The following CTSE variants were observed in gnomAD, a reference collection of about 807,000 sequenced individuals.
CTSE encodes cathepsin E.
A neutral mutation model predicts 42.8 loss-of-function variants in CTSE; 43 were observed. The observed-to-expected ratio is 1.01, with a 90% CI of 0.79 to 1.30. The LOEUF is 1.30. CTSE is among the 50% of genes most tolerant of loss of function. The pLI, the probability that CTSE is intolerant of heterozygous loss-of-function variation, is 0.00. For missense variants in CTSE, 532 were observed against 493.5 expected (o/e 1.08, Z -0.74); for synonymous variants, 205 against 191.5 (o/e 1.07, Z -0.58).
At chr1:206,021,677 T>C (rs1553278435) in intron 3 of CTSE, among the ~76,000 whole-genome samples, 1 of 151,998 alleles carries the variant, frequency 6.6e-6, no homozygotes, top group Non-Finnish European at 1.5e-5. Context: ...GAGTTACCTC[T>C]GGACAAATGG....
At chr1:206,013,976 C>T (rs1305189759) in intron 5 of CTSE, 82 bp from the exon 6 acceptor site, 2 of 1,499,166 alleles carry the variant, frequency 1.3e-6, no homozygotes, top group African/African-American at 2.8e-5. Flanking sequence ...CCCTTTGCTT[C>T]TTGGTCTCAT....
Position 206,012,699 on chromosome 1 carries a change from G to A in CTSE, c.786-50C>T, listed in dbSNP as rs369881608. On this transcript the variant is annotated intron_variant, in intron 6 of 8. Transcript: ENST00000358184. ...CCCACCTTCCCTCCCCCGGCTCCTA[G>A]GAAACTCCCACTCTTTTTTGGCCTC... 3 of 1,595,826 alleles carry A rather than the reference G, an allele frequency of 1.9e-6. No individual in the cohort carries two copies. The South Asian group carries it at 3.3e-5, about 18-fold the overall frequency.
In CTSE at chr1:206,012,671, C is replaced by A. The variant is rs78833937; in HGVS notation, c.786-22G>T. 8.3e-4 allele frequency: 1,336 copies of A among 1,607,882 alleles called. 14 individuals carry two copies. In the African/African-American group the frequency reaches 0.014, roughly 17 times the overall value. Reference sequence around the variant, plus strand: ...GATGCTGAGGGGACAGGGTTGTGGTCGGCCCACCTTCCCTCCCCCGGCTCC... The same window carrying A: ...GATGCTGAGGGGACAGGGTTGTGGTAGGCCCACCTTCCCTCCCCCGGCTCC... On this transcript the variant is annotated intron_variant, in intron 6 of 8. Coordinates refer to ENST00000358184, the MANE Select transcript of CTSE (RefSeq NM_001910.4).
chr1:206,017,241 T>C (rs1661287661), intron 4 of CTSE, among the ~76,000 whole-genome samples: 1 of 152,072 alleles, frequency 6.6e-6, no homozygotes, highest in South Asian at 2.1e-4. Flanking sequence ...TTTGTTTTAC[T>C]TGCTACAGGT....
intron 8 of CTSE, among the ~76,000 whole-genome samples, chr1:206,011,788 G>A (rs975931077): frequency 6.6e-6 from 1 of 152,052 alleles, no homozygotes; most frequent in Non-Finnish European, 1.5e-5. Context: ...AAAGGTCTGG[G>A]AGTTCCCTTT....
chr1:206,023,135 G>A (rs1354536393), intron 1 of CTSE, 78 bp from the exon 2 acceptor site: 1 of 1,371,028 alleles, frequency 7.3e-7, no homozygotes, highest in Non-Finnish European at 1.0e-6. Context: ...ATTTTCTCAG[G>A]GGCCAACTAG....
chr1:206,013,562 C>T (rs1472594717), intron 6 of CTSE, among the ~76,000 whole-genome samples: 4 of 152,090 alleles, frequency 2.6e-5, no homozygotes, highest in East Asian at 1.9e-4. Flanking sequence ...GTTAAAAGCA[C>T]GCCATGTGTA....
At chr1:206,021,431 G>A (rs1347120325) in intron 3 of CTSE, 3 of 399,696 alleles carry the variant, frequency 7.5e-6, no homozygotes, top group African/African-American at 6.2e-5. Flanking sequence ...ACCAAGATAA[G>A]TGTCATTTAT....
At position 206,012,489 on chromosome 1, in the gene CTSE, T is replaced by C. The variant is rs202229053; in HGVS notation, c.927+19A>G. The C allele has an allele frequency of 2.5e-6, 4 of 1,613,934 alleles. No individual in the cohort carries two copies. The highest frequency in any genetic ancestry group is 3.4e-6 in the Non-Finnish European group (4 of 1,179,906). On this transcript the variant is annotated intron_variant, in intron 7 of 8. Transcript: ENST00000358184. The stretch of plus-strand genomic sequence containing the variant: ...GGCTCTCCTGTCCCCACCACTCCCT[T>C]GCGCAGGCAGGCACTCACTTCTCCA...
At chr1:206,012,445 AC>A in intron 7 of CTSE, 39 bp from the exon 8 acceptor site, 1 of 1,613,456 alleles carries the variant, frequency 6.2e-7, no homozygotes, top group East Asian at 2.2e-5. Context: ...GAGCCTTGCC[AC>A]CTCCCAAGAG....
intron 2 of CTSE, 84 bp downstream of exon 2, chr1:206,022,817 A>G: frequency 3.9e-6 from 5 of 1,275,890 alleles, no homozygotes; most frequent in Non-Finnish European, 4.3e-6. Flanking sequence ...CTTCGGTGCT[A>G]CTGATGTGGC....
chr1:206,018,714 T>G (rs1661328761), intron 4 of CTSE, among the ~76,000 whole-genome samples: 1 of 152,046 alleles, frequency 6.6e-6, no homozygotes, highest in Non-Finnish European at 1.5e-5. Context: ...TCTTGATAAC[T>G]TTACTAATGT....
chr1:206,017,698 C>G (rs572455416), intron 4 of CTSE, among the ~76,000 whole-genome samples: 362 of 152,052 alleles, frequency 2.4e-3, no homozygotes, highest in African/African-American at 8.2e-3. Context: ...AGGCTGGTCT[C>G]AAACTCCTGA....
chr1:206,010,351 T>C lies in CTSE; in HGVS notation c.1027-4A>G. 1.9e-6 allele frequency: 3 copies of C among 1,611,854 alleles called. No homozygotes were observed. Among genetic ancestry groups the C allele is most frequent in the Non-Finnish European group, 2.5e-6 (3 of 1,178,338 alleles). On this transcript the variant is annotated splice_polypyrimidine_tract_variant and splice_region_variant and intron_variant, in intron 8 of 8. Coordinates refer to ENST00000358184, the MANE Select transcript of CTSE (RefSeq NM_001910.4). ...ACTGCATTCCATCCACGAAGTCCTG[T>C]GGGTTGGAAAGAAGGATGCAAATGA...
chr1:206,023,834 T>C lies in CTSE; in HGVS notation c.-43A>G. 1 of 1,601,548 alleles carries C rather than the reference T, an allele frequency of 6.2e-7. No individual in the cohort carries two copies. Among genetic ancestry groups the C allele is most frequent in the Non-Finnish European group, 8.6e-7 (1 of 1,169,304 alleles). On this transcript the variant is annotated 5_prime_UTR_variant, in exon 1 of 9. Transcript: ENST00000358184. ...GCTTCTCCCTTGCCCCCTCCTTTCT[T>C]CTCTCCCCGAGGGCAGTGGGAACGG...
intron 4 of CTSE, among the ~76,000 whole-genome samples, chr1:206,020,669 C>G (rs1553278228): frequency 6.6e-6 from 1 of 152,062 alleles, no homozygotes; most frequent in African/African-American, 2.4e-5. Flanking sequence ...CCATTTCAGA[C>G]CTTGCCCCCT....
intron 8 of CTSE, among the ~76,000 whole-genome samples, 176 bp downstream of exon 8, chr1:206,012,132 G>C (rs1248405638): frequency 6.6e-6 from 1 of 152,100 alleles, no homozygotes; most frequent in South Asian, 2.1e-4. Flanking sequence ...AGCAAGCCCC[G>C]TGGTCTTTCC....
intron 8 of CTSE, 44 bp from the exon 9 acceptor site, chr1:206,010,391 A>G (rs975985990): frequency 1.9e-6 from 3 of 1,558,682 alleles, no homozygotes; most frequent in Non-Finnish European, 2.7e-6. Context: ...CGGGGGAAGA[A>G]GGTAGTAGTA....
intron 4 of CTSE, among the ~76,000 whole-genome samples, chr1:206,018,884 A>G (rs1397533624): frequency 2.6e-5 from 4 of 151,940 alleles, no homozygotes; most frequent in African/African-American, 9.7e-5. Context: ...TTTGTGTCCC[A>G]TTCTACTCTT....
Sources: allele counts gnomAD v4.1 joint callset (sites outside exome capture counted in the v4.1 genomes callset), GRCh38; gene constraint gnomAD v4.1.1; transcripts MANE v1.5; gene names NCBI Gene and HGNC (gene_info 2026-07-23, HGNC 2026-07-21).